Variants in DTWD2 observed in about 807,000 individuals in gnomAD.
DTWD2 encodes tRNA-uridine aminocarboxypropyltransferase 2.
DTWD2 carries 39 observed loss-of-function variants against 31.8 expected under a neutral mutation model. The ratio of observed to expected loss-of-function variants is 1.22; its 90% CI spans 0.95 to 1.60. The LOEUF is 1.60. Ranked by LOEUF, DTWD2 falls within the 40% of genes most tolerant of loss-of-function variation. The pLI, the probability that DTWD2 is intolerant of heterozygous loss-of-function variation, is 0.00. For synonymous variants in DTWD2, 180 were observed against 142.8 expected, an observed-to-expected ratio of 1.26 and a Z score of -1.86; for missense variants, 515 against 381.5, an observed-to-expected ratio of 1.35 and a Z score of -2.92.
At chr5:118,883,470 T>C (rs1752788285) in intron 4 of DTWD2, among the ~76,000 whole-genome samples, 1 of 152,186 alleles carries the variant, frequency 6.6e-6, no homozygotes, top group Admixed American at 6.5e-5. Context: ...CCAGTACCAA[T>C]TTCCTATATT....
At chr5:118,859,985 G>T (rs1265169382) in intron 4 of DTWD2, among the ~76,000 whole-genome samples, 1 of 152,060 alleles carries the variant, frequency 6.6e-6, no homozygotes, top group East Asian at 1.9e-4. Context: ...ATGTGTGGTA[G>T]CATGCACCTG....
chr5:118,841,120 C>T, intron 5 of DTWD2, 33 bp from the exon 6 acceptor site: 1 of 1,575,124 alleles, frequency 6.3e-7, no homozygotes, highest in Non-Finnish European at 8.6e-7. Flanking sequence ...AAAAAAGTAT[C>T]TGTGACAAAT....
intron 4 of DTWD2, among the ~76,000 whole-genome samples, chr5:118,918,640 C>G (rs78692954): frequency 6.6e-6 from 1 of 151,964 alleles, no homozygotes; most frequent in Non-Finnish European, 1.5e-5. Context: ...TGCCAAGAGC[C>G]CAACTTTATT....
intron 4 of DTWD2, among the ~76,000 whole-genome samples, chr5:118,880,644 T>C (rs1462515203): frequency 6.6e-6 from 1 of 152,188 alleles, no homozygotes; most frequent in Non-Finnish European, 1.5e-5. Context: ...GTAAAGTGTA[T>C]TCATTATTCT....
chr5:118,940,820 T>G (rs567955128), intron 2 of DTWD2, among the ~76,000 whole-genome samples: 1 of 152,156 alleles, frequency 6.6e-6, no homozygotes, highest in Non-Finnish European at 1.5e-5. Flanking sequence ...CAAATGAGGA[T>G]TTAGCTTTCT....
chr5:118,841,109 T>G, intron 5 of DTWD2, 22 bp from the exon 6 acceptor site: 1 of 1,586,836 alleles, frequency 6.3e-7, no homozygotes, highest in Non-Finnish European at 8.6e-7. Context: ...AAAAAGACAC[T>G]AAAAAAGTAT....
intron 4 of DTWD2, among the ~76,000 whole-genome samples, chr5:118,910,580 G>A (rs745719071): frequency 1.3e-5 from 2 of 152,086 alleles, no homozygotes; most frequent in Non-Finnish European, 2.9e-5. Context: ...CGTTCATGGC[G>A]GTGTAGGCTT....
At chr5:118,938,845 G>GAA (rs1173603042) in intron 3 of DTWD2, among the ~76,000 whole-genome samples, 21 of 82,660 alleles carry the variant, frequency 2.5e-4, no homozygotes, top group African/African-American at 7.0e-4. Flanking sequence ...AGATATTTAA[G>GAA]AAAAAAAAAA....
intron 4 of DTWD2, among the ~76,000 whole-genome samples, chr5:118,878,668 CT>C (rs937384023): frequency 6.9e-4 from 105 of 152,200 alleles, no homozygotes; most frequent in African/African-American, 2.4e-3. Context: ...CAAATGGGAT[CT>C]AATTAAACTG....
chr5:118,877,215 A>G (rs1010784622), intron 4 of DTWD2, among the ~76,000 whole-genome samples: 2 of 152,198 alleles, frequency 1.3e-5, no homozygotes, highest in African/African-American at 4.8e-5. Flanking sequence ...GCTCATGCCT[A>G]TAATCCCAGC....
chr5:118,937,748 C>T (rs1754076802), intron 3 of DTWD2, among the ~76,000 whole-genome samples: 1 of 151,720 alleles, frequency 6.6e-6, no homozygotes, highest in Non-Finnish European at 1.5e-5. Flanking sequence ...CCACAGGTCT[C>T]CCCTTCCCAC....
chr5:118,871,717 CACAG>C (rs1256622955), intron 4 of DTWD2, among the ~76,000 whole-genome samples: 4 of 152,128 alleles, frequency 2.6e-5, no homozygotes, highest in Admixed American at 1.3e-4. Flanking sequence ...AGTTACAAAG[CACAG>C]ACAGAGTAGA....
At chr5:118,850,331 T>C (rs1209329646) in intron 4 of DTWD2, among the ~76,000 whole-genome samples, 1 of 132,962 alleles carries the variant, frequency 7.5e-6, no homozygotes, top group Non-Finnish European at 1.6e-5. Flanking sequence ...AAAAAAAACA[T>C]TGCCAGGTGT....
chr5:118,965,777 G>C (rs1408526165), intron 1 of DTWD2, among the ~76,000 whole-genome samples: 1 of 152,116 alleles, frequency 6.6e-6, no homozygotes, highest in Non-Finnish European at 1.5e-5. Flanking sequence ...CTAATCTCAA[G>C]TGCCCAGGGA....
chr5:118,906,509 T>C (rs1753335670), intron 4 of DTWD2, among the ~76,000 whole-genome samples: 1 of 152,104 alleles, frequency 6.6e-6, no homozygotes, highest in Non-Finnish European at 1.5e-5. Context: ...GGAATACCAT[T>C]AAGAAATAAA....
intron 4 of DTWD2, among the ~76,000 whole-genome samples, chr5:118,876,408 C>G (rs1235389793): frequency 6.6e-6 from 1 of 151,956 alleles, no homozygotes; most frequent in African/African-American, 2.4e-5. Context: ...GAGACTAAGA[C>G]ATGAAAAACC....
intron 4 of DTWD2, among the ~76,000 whole-genome samples, chr5:118,919,006 G>C (rs1753642772): frequency 6.6e-6 from 1 of 152,162 alleles, no homozygotes; most frequent in African/African-American, 2.4e-5. Context: ...AGGTGGCTCT[G>C]ATCTGAAAAG....
At chr5:118,898,477 G>C (rs188756676) in intron 4 of DTWD2, among the ~76,000 whole-genome samples, 110 of 151,562 alleles carry the variant, frequency 7.3e-4, no homozygotes, top group Non-Finnish European at 1.5e-3. Context: ...GGCCAACATG[G>C]TGAAACCCCG....
chr5:118,952,917 T>A (rs1754498048), intron 1 of DTWD2, among the ~76,000 whole-genome samples: 1 of 152,202 alleles, frequency 6.6e-6, no homozygotes. Flanking sequence ...TAGATTCCTA[T>A]TAATACTTCC....
Sources: gnomAD v4.1 joint callset for allele counts (sites outside exome capture counted in the v4.1 genomes callset) on GRCh38, gnomAD v4.1.1 for gene constraint, MANE v1.5 for transcripts, NCBI Gene and HGNC (gene_info 2026-07-23, HGNC 2026-07-21) for gene names.